The following CDH18 variants were observed in gnomAD, a reference collection of about 807,000 sequenced individuals.
CDH18 encodes cadherin 18.
CDH18 carries 31 observed loss-of-function variants against 67.9 expected under a neutral mutation model. That is an observed-to-expected ratio of 0.46 (90% CI 0.34 to 0.62). The LOEUF (loss-of-function observed/expected upper bound fraction) is 0.62. CDH18 is among the 20% of genes least tolerant of loss of function. The probability of loss-of-function intolerance (pLI) is 0.01; values close to 1 mark genes in which losing one functional copy is unlikely to be tolerated. For synonymous variants in CDH18, 362 were observed against 347.2 expected (o/e 1.04, Z -0.48); for missense variants, 890 against 975.5 (o/e 0.91, Z 1.17).
chr5:20,230,674 G>A (rs1741996205), intron 2 of CDH18, among the ~76,000 whole-genome samples: 2 of 151,362 alleles, frequency 1.3e-5, no homozygotes, highest in Non-Finnish European at 2.9e-5. Context: ...TTCTTTGTGG[G>A]GATATTATGT....
At chr5:19,602,758 G>T (rs1393576993) in intron 6 of CDH18, among the ~76,000 whole-genome samples, 1 of 152,064 alleles carries the variant, frequency 6.6e-6, no homozygotes, top group Non-Finnish European at 1.5e-5. Context: ...GCAGTCAGGA[G>T]TTCAAGATCA....
At chr5:19,810,883 T>A (rs1381331785) in intron 3 of CDH18, among the ~76,000 whole-genome samples, 2 of 151,504 alleles carry the variant, frequency 1.3e-5, no homozygotes, top group African/African-American at 4.9e-5. Context: ...ATTAGCCAGG[T>A]ATGGTGGCAC....
chr5:20,562,435 G>C (rs1758272508), intron 1 of CDH18, among the ~76,000 whole-genome samples: 1 of 151,642 alleles, frequency 6.6e-6, no homozygotes, highest in Non-Finnish European at 1.5e-5. Context: ...ATGTGGAATG[G>C]GGTTAGTAAA....
chr5:20,455,960 T>C (rs1343281349), intron 1 of CDH18, among the ~76,000 whole-genome samples: 1 of 152,132 alleles, frequency 6.6e-6, no homozygotes, highest in Non-Finnish European at 1.5e-5. Flanking sequence ...ATCATGCAGC[T>C]GATAACCTTT....
chr5:19,860,704 A>G lies in CDH18; in HGVS notation c.-256-21462T>C, dbSNP rs564993239. On this transcript the variant is annotated intron_variant, in intron 2 of 12. Coordinates refer to ENST00000382275, the MANE Select transcript of CDH18 (RefSeq NM_004934.5). The stretch of plus-strand genomic sequence containing the variant: ...TTAGCTTAAGTTACTTAAACATCCC[A>G]CTATAATTTATAAATAAATTAACTT... Among the ~76,000 whole-genome samples the G allele has an allele frequency of 1.7e-3, 253 of 152,008 alleles. 1 individual carries two copies. Among genetic ancestry groups the G allele is most frequent in the African/African-American group, 5.8e-3 (242 of 41,538 alleles).
At chr5:19,938,178 GT>G in intron 2 of CDH18, among the ~76,000 whole-genome samples, 1 of 150,538 alleles carries the variant, frequency 6.6e-6, no homozygotes, top group Non-Finnish European at 1.5e-5. Context: ...TAATGACCAT[GT>G]TTCATGGAAA....
chr5:19,607,774 A>G (rs1231540724), intron 6 of CDH18, among the ~76,000 whole-genome samples: 1 of 151,512 alleles, frequency 6.6e-6, no homozygotes, highest in Non-Finnish European at 1.5e-5. Context: ...TAAGAACAAT[A>G]AAGTTTGAAA....
intron 1 of CDH18, among the ~76,000 whole-genome samples, chr5:20,465,943 T>C (rs554158036): frequency 1.1e-3 from 165 of 152,198 alleles, no homozygotes; most frequent in Non-Finnish European, 1.9e-3. Context: ...TGACAAACTA[T>C]GTGCTGACCA....
At chr5:20,538,806 T>C (rs1756869192) in intron 1 of CDH18, among the ~76,000 whole-genome samples, 2 of 151,952 alleles carry the variant, frequency 1.3e-5, no homozygotes, top group South Asian at 2.1e-4. Context: ...ATTGTGTGAA[T>C]TTGATAATCA....
intron 1 of CDH18, among the ~76,000 whole-genome samples, chr5:20,296,652 A>T (rs1747561322): frequency 6.6e-6 from 1 of 151,992 alleles, no homozygotes; most frequent in Admixed American, 6.6e-5. Context: ...AATCTAGTAA[A>T]CTATGCTATA....
intron 5 of CDH18, among the ~76,000 whole-genome samples, chr5:19,670,850 C>T (rs980822642): frequency 6.6e-6 from 1 of 151,906 alleles, no homozygotes; most frequent in African/African-American, 2.4e-5. Flanking sequence ...AGAAATTACA[C>T]CATTTTTGAT....
Position 19,543,918 on chromosome 5 carries a change from G to C in CDH18, c.1341C>G (p.Asp447Glu). 6.3e-7 allele frequency: 1 copy of C among 1,595,612 alleles called. No individual in the cohort carries two copies. Among genetic ancestry groups the C allele is most frequent in the Non-Finnish European group, 8.6e-7 (1 of 1,167,318 alleles). ...TGTIRTTKVL[D>E]REETPWYNIT... ...TGTTGTACCATGGAGTTTCTTCTCTGTCGAGAACCTTTGTAGTCCTAATGG... is the reference window on the plus strand; with the variant it reads ...TGTTGTACCATGGAGTTTCTTCTCTCTCGAGAACCTTTGTAGTCCTAATGG... Residue 447 changes from aspartate (D) to glutamate (E), a missense_variant, in exon 9 of 13, where the codon GAC (aspartate) becomes GAG (glutamate). Physicochemically the swap from Asp to Glu is conservative, Grantham distance 45 (BLOSUM62 2). This residue lies in a region of CDH18 where 656 missense variants were observed against 668.1 expected (regional missense o/e 0.98). Transcript: ENST00000382275.
At chr5:19,588,840 A>T (rs13167417) in intron 7 of CDH18, among the ~76,000 whole-genome samples, 1 of 151,818 alleles carries the variant, frequency 6.6e-6, no homozygotes, top group East Asian at 1.9e-4. Flanking sequence ...CAATTCAACA[A>T]GAAGTAACTA....
intron 12 of CDH18, among the ~76,000 whole-genome samples, chr5:19,475,760 G>C (rs1738354537): frequency 1.3e-5 from 2 of 151,810 alleles, no homozygotes; most frequent in African/African-American, 4.8e-5. Context: ...ACATTTATCT[G>C]GGTATACTGC....
At chr5:19,677,040 C>T (rs774597928) in intron 5 of CDH18, among the ~76,000 whole-genome samples, 4 of 152,004 alleles carry the variant, frequency 2.6e-5, no homozygotes, top group South Asian at 2.1e-4. Context: ...GCTTTAGACA[C>T]GTATGGATTT....
At chr5:19,931,804 T>C (rs1044536477) in intron 2 of CDH18, among the ~76,000 whole-genome samples, 1 of 151,876 alleles carries the variant, frequency 6.6e-6, no homozygotes, top group Non-Finnish European at 1.5e-5. Context: ...TGCTTTATAT[T>C]AACTCCTATA....
At chr5:19,600,673 A>T (rs2150064707) in intron 6 of CDH18, among the ~76,000 whole-genome samples, 1 of 152,108 alleles carries the variant, frequency 6.6e-6, no homozygotes, top group African/African-American at 2.4e-5. Flanking sequence ...TTCATGAAAA[A>T]AATAGAAAGT....
At position 19,943,362 on chromosome 5, in the gene CDH18, T is replaced by C. The variant is rs577727710; in HGVS notation, c.-257+37698A>G. Among the ~76,000 whole-genome samples, 23 of 152,160 alleles carry C rather than the reference T, an allele frequency of 1.5e-4. No homozygotes were observed. The South Asian group carries it at 4.6e-3, about 30-fold the overall frequency. On this transcript the variant is annotated intron_variant, in intron 2 of 12. Coordinates refer to ENST00000382275, the MANE Select transcript of CDH18 (RefSeq NM_004934.5). ...TAAGTAATTCAGTTCTCAAAGTGAA[T>C]TGGGAGGAAACATGAAGCTAAATGT...
chr5:20,474,794 T>C (rs529559565), intron 1 of CDH18, among the ~76,000 whole-genome samples: 29 of 152,350 alleles, frequency 1.9e-4, no homozygotes, highest in African/African-American at 6.7e-4. Flanking sequence ...TTTATTAGGC[T>C]AATAAATTCT....
Sources: gnomAD v4.1 joint callset for allele counts (sites outside exome capture counted in the v4.1 genomes callset) on GRCh38, gnomAD v4.1.1 for gene constraint, gnomAD v4.1.1 regional missense constraint, MANE v1.5 for transcripts, NCBI Gene and HGNC (gene_info 2026-07-23, HGNC 2026-07-21) for gene names.